Variants in PARD3B observed in about 807,000 individuals in gnomAD.
PARD3B encodes par-3 family cell polarity regulator beta, also known as partitioning defective 3 homolog B.
In PARD3B, 103 loss-of-function variants were observed where a neutral mutation model predicts 130.2. The observed-to-expected ratio is 0.79, with a 90% CI of 0.67 to 0.93. The LOEUF (loss-of-function observed/expected upper bound fraction) is 0.93. PARD3B is among the 40% of genes least tolerant of loss of function. The pLI is 0.00. For synonymous variants in PARD3B, 583 were observed against 553.2 expected, an observed-to-expected ratio of 1.05 and a Z score of -0.76; for missense variants, 1,609 against 1,499.2, an observed-to-expected ratio of 1.07 and a Z score of -1.21.
At chr2:205,196,787 G>T (rs2036704720) in intron 15 of PARD3B, among the ~76,000 whole-genome samples, 4 of 152,114 alleles carry the variant, frequency 2.6e-5, no homozygotes, top group Non-Finnish European at 5.9e-5. Context: ...ACATAGATGT[G>T]TGGGTTTCTA....
rs1057103379 is a variant in PARD3B, at chr2:204,943,233, A to G, written c.223-21919A>G. On this transcript the variant is annotated intron_variant, in intron 2 of 22. Coordinates refer to ENST00000406610, the MANE Select transcript of PARD3B (RefSeq NM_001302769.2). The surrounding 1 kb of genome is among the most constrained non-coding windows in gnomAD (Gnocchi z 4.2). ...AATATGTTAATTTTCATAGATCCAA[A>G]CAGTTTCTCTCTGCTTTTCTCAAAC... 6.6e-6 allele frequency among the ~76,000 whole-genome samples: 1 copy of G among 151,984 alleles called. No homozygotes were observed. Among genetic ancestry groups the G allele is most frequent in the African/African-American group, 2.4e-5 (1 of 41,384 alleles).
intron 3 of PARD3B, among the ~76,000 whole-genome samples, 175 bp downstream of exon 3, chr2:204,965,498 T>C (rs926843691): frequency 7.9e-5 from 12 of 152,178 alleles, no homozygotes; most frequent in Admixed American, 7.9e-4. Flanking sequence ...CTTGGGTAAG[T>C]GGATGCAGCT....
At chr2:204,928,505 A>G (rs901108832) in intron 2 of PARD3B, among the ~76,000 whole-genome samples, 15 of 152,156 alleles carry the variant, frequency 9.9e-5, no homozygotes, top group South Asian at 2.1e-4. Context: ...ATAAACGTGT[A>G]TGCCTAAAAC....
chr2:205,377,844 C>T (rs960931096), intron 18 of PARD3B, among the ~76,000 whole-genome samples: 3 of 147,110 alleles, frequency 2.0e-5, no homozygotes, highest in Admixed American at 6.8e-5. Flanking sequence ...GGTCTTGGCT[C>T]ACTGCAACCT....
At chr2:205,532,242 AT>A (rs2051630772) in intron 21 of PARD3B, among the ~76,000 whole-genome samples, 1 of 152,150 alleles carries the variant, frequency 6.6e-6, no homozygotes, top group Non-Finnish European at 1.5e-5. Context: ...TCTGGTCATG[AT>A]GAGTCATATT....
chr2:204,725,386 T>C (rs894700687), intron 2 of PARD3B, among the ~76,000 whole-genome samples: 3 of 152,194 alleles, frequency 2.0e-5, no homozygotes, highest in African/African-American at 7.2e-5. Flanking sequence ...CCAGAAAATA[T>C]GATTAATGTA....
rs2125717104 is a variant in PARD3B, at chr2:204,907,798, G to A, written c.223-57354G>A. Among the ~76,000 whole-genome samples the A allele has an allele frequency of 6.6e-6, 1 of 152,026 alleles. No individual in the cohort carries two copies. The highest frequency in any genetic ancestry group is 2.1e-4 in the South Asian group (1 of 4,812). On this transcript the variant is annotated intron_variant, in intron 2 of 22. Transcript: ENST00000406610. The surrounding 1 kb of genome is among the most constrained non-coding windows in gnomAD (Gnocchi z 5.7). ...CTCACTGCAACCTCCGCCTCCCAGG[G>A]TCAAGCAATTCCCCTGCCTCCAACT...
At chr2:204,723,416 C>A (rs545196064) in intron 2 of PARD3B, among the ~76,000 whole-genome samples, 1 of 152,164 alleles carries the variant, frequency 6.6e-6, no homozygotes, top group South Asian at 2.1e-4. Context: ...AGACATTCAA[C>A]TGTATTCTTT....
chr2:204,755,444 G>A (rs928189462), intron 2 of PARD3B, among the ~76,000 whole-genome samples: 3 of 152,108 alleles, frequency 2.0e-5, no homozygotes, highest in Admixed American at 2.0e-4. Context: ...TTACTGAGAA[G>A]CTTGTCAACC....
At chr2:205,547,879 C>T (rs1000259648) in intron 21 of PARD3B, among the ~76,000 whole-genome samples, 1 of 152,086 alleles carries the variant, frequency 6.6e-6, no homozygotes, top group African/African-American at 2.4e-5. Flanking sequence ...CAAGGGAATC[C>T]AGAGAAAGGT....
At chr2:205,553,577 C>T (rs1001006922) in intron 22 of PARD3B, among the ~76,000 whole-genome samples, 174 bp downstream of exon 22, 4 of 152,158 alleles carry the variant, frequency 2.6e-5, no homozygotes, top group African/African-American at 7.2e-5. Context: ...AATTGAAACA[C>T]TTGTGGGTTA....
At chr2:204,729,083 C>T (rs2039372298) in intron 2 of PARD3B, among the ~76,000 whole-genome samples, 2 of 152,038 alleles carry the variant, frequency 1.3e-5, no homozygotes, top group South Asian at 4.2e-4. Flanking sequence ...AGATGGGGGT[C>T]CCTGGGTGAA....
At chr2:205,381,246 T>C (rs971541613) in intron 18 of PARD3B, among the ~76,000 whole-genome samples, 1 of 122,170 alleles carries the variant, frequency 8.2e-6, no homozygotes, top group Admixed American at 9.1e-5. Context: ...ATAAAAAGAA[T>C]ATATGTTATA....
intron 3 of PARD3B, among the ~76,000 whole-genome samples, chr2:205,038,636 G>A (rs148105876): frequency 6.6e-6 from 1 of 152,158 alleles, no homozygotes; most frequent in Non-Finnish European, 1.5e-5. Flanking sequence ...ACATATTTTT[G>A]TAGCACTGGC....
intron 18 of PARD3B, among the ~76,000 whole-genome samples, chr2:205,400,808 G>C (rs1334079360): frequency 6.6e-6 from 1 of 152,112 alleles, no homozygotes; most frequent in Admixed American, 6.5e-5. Flanking sequence ...AGGAAGGAAG[G>C]AAAGAAGAGA....
At chr2:205,522,372 GTTTTTTAT>G (rs1325939456) in intron 21 of PARD3B, among the ~76,000 whole-genome samples, 1 of 151,426 alleles carries the variant, frequency 6.6e-6, no homozygotes, top group Non-Finnish European at 1.5e-5. Context: ...AAGGAATTAG[GTTTTTTAT>G]TTAAGTTTTT....
chr2:205,300,167 C>T lies in PARD3B; in HGVS notation c.2186-363C>T, dbSNP rs1045879519. The stretch of plus-strand genomic sequence containing the variant: ...ATGCATGTGTGTATGTGGGTATTCT[C>T]ACATATGTGAAATCACTCTCATTCA... On this transcript the variant is annotated intron_variant, in intron 16 of 22. Transcript: ENST00000406610. This position sits in a 1 kb window ranked among gnomAD's most constrained non-coding sequence, Gnocchi z 4.1. 3.3e-5 allele frequency among the ~76,000 whole-genome samples: 5 copies of T among 152,150 alleles called. No homozygotes were observed.
At chr2:204,795,355 T>C (rs560575389) in intron 2 of PARD3B, among the ~76,000 whole-genome samples, 13 of 152,306 alleles carry the variant, frequency 8.5e-5, no homozygotes, top group Non-Finnish European at 1.9e-4. Flanking sequence ...TTGTTATATA[T>C]GGAGTTGCTT....
intron 18 of PARD3B, among the ~76,000 whole-genome samples, chr2:205,358,047 T>A (rs2044258964): frequency 6.6e-6 from 1 of 152,210 alleles, no homozygotes; most frequent in Admixed American, 6.5e-5. Context: ...GAGAAGGACG[T>A]AAATTTCACA....
Sources: allele counts gnomAD v4.1 joint callset (sites outside exome capture counted in the v4.1 genomes callset), GRCh38; gene constraint gnomAD v4.1.1; non-coding constraint Gnocchi (gnomAD v3.1); transcripts MANE v1.5; gene names NCBI Gene and HGNC (gene_info 2026-07-23, HGNC 2026-07-21).